Variants in BBOF1 observed in about 807,000 individuals in gnomAD.
BBOF1 encodes basal body orientation factor 1.
Under a neutral mutation model 68.0 loss-of-function variants are expected in BBOF1, and 62 were observed. The ratio of observed to expected loss-of-function variants is 0.91; its 90% CI spans 0.74 to 1.13. The LOEUF is 1.13. Among genes scored for constraint, BBOF1 ranks in the 50% most tolerant of loss-of-function variants. The pLI is 0.00. For synonymous variants in BBOF1, 208 were observed against 198.8 expected, an observed-to-expected ratio of 1.05 and a Z score of -0.39; for missense variants, 534 against 600.1, an observed-to-expected ratio of 0.89 and a Z score of 1.15.
chr14:74,035,584 A>ATTTTTTTTTTTTTTTT (rs71460945), intron 4 of BBOF1, among the ~76,000 whole-genome samples: 3 of 81,392 alleles, frequency 3.7e-5, no homozygotes, highest in African/African-American at 1.3e-4. Flanking sequence ...CCCCCAGCTA[A>ATTTTTTTTTTTTTTTT]TTTTTTTTTT....
intron 8 of BBOF1, 27 bp from the exon 9 acceptor site, chr14:74,055,557 A>G: frequency 6.6e-7 from 1 of 1,506,650 alleles, no homozygotes; most frequent in South Asian, 1.2e-5. Flanking sequence ...TTTCCTTTTC[A>G]CATTTTTTTC....
At chr14:74,072,182 C>G (rs1305429783) in intron 9 of BBOF1, 3 of 1,614,006 alleles carry the variant, frequency 1.9e-6, no homozygotes, top group Non-Finnish European at 2.5e-6. Context: ...TTTGGAAAAG[C>G]ATACCATTTA....
At chr14:74,063,881 A>G (rs1595111695) in intron 11 of BBOF1, among the ~76,000 whole-genome samples, 1 of 144,244 alleles carries the variant, frequency 6.9e-6, no homozygotes, top group South Asian at 2.3e-4. Flanking sequence ...AAAAAAAAAA[A>G]TTAATGGTAT....
At chr14:74,050,708 T>G (rs1389403642) in intron 8 of BBOF1, among the ~76,000 whole-genome samples, 1 of 152,184 alleles carries the variant, frequency 6.6e-6, no homozygotes, top group African/African-American at 2.4e-5. Context: ...TTAAACATTT[T>G]TGATACGCAT....
Position 74,040,548 on chromosome 14 carries a change from T to TGTTA in BBOF1, c.496-16_496-13dup, listed in dbSNP as rs1174521799. On this transcript the variant is annotated splice_polypyrimidine_tract_variant and intron_variant, in intron 4 of 11. Transcript: ENST00000394009. ...TTTCTATTGATCATTTTTGTTTGTT[T>TGTTA]GTTATTTTAATTTTAGCTGAAAGAG... The TGTTA allele has an allele frequency of 6.6e-7, 1 of 1,512,902 alleles. No individual in the cohort carries two copies. Among genetic ancestry groups the TGTTA allele is most frequent in the African/African-American group, 1.4e-5 (1 of 70,982 alleles). 93.7% of individuals were successfully genotyped at this position (1,512,902 alleles called of 1,614,324 possible). A position where few individuals can be genotyped will look rare whatever the true frequency, so the allele number is the denominator to read the frequency against.
Position 74,022,934 on chromosome 14 carries a change from T to C in BBOF1, c.75T>C (p.Asp25=), listed in dbSNP as rs777364435. 2 of 1,608,512 alleles carry C rather than the reference T, an allele frequency of 1.2e-6. No homozygotes were observed. Among genetic ancestry groups the C allele is most frequent in the East Asian group, 4.5e-5 (2 of 44,810 alleles). The change falls in exon 2 of 12, where the codon GAT becomes GAC. Residue 25 remains aspartate, a synonymous_variant. Coordinates refer to ENST00000394009, the MANE Select transcript of BBOF1 (RefSeq NM_025057.3). ...GKDTKKLIKT[D]ESVVDRAKAN... ...CATGCAGGAAGTTAATAAAAACAGA[T>C]GAATCTGTGGTGGACAGAGCCAAGG...
chr14:74,043,349 G>A (rs1188095358), intron 5 of BBOF1, among the ~76,000 whole-genome samples: 1 of 150,626 alleles, frequency 6.6e-6, no homozygotes, highest in Non-Finnish European at 1.5e-5. Context: ...AGGAGATCGA[G>A]ACCATCCTGG....
intron 5 of BBOF1, among the ~76,000 whole-genome samples, chr14:74,043,527 G>A (rs1038268410): frequency 3.8e-5 from 5 of 132,962 alleles, no homozygotes; most frequent in South Asian, 5.5e-4. Context: ...TCCGCAGTCC[G>A]GCCTGGGCAA....
chr14:74,034,659 T>G (rs2059654406), intron 4 of BBOF1, among the ~76,000 whole-genome samples: 1 of 152,210 alleles, frequency 6.6e-6, no homozygotes, highest in African/African-American at 2.4e-5. Context: ...GAATATAGTT[T>G]TATTACATTA....
chr14:74,077,190 G>A (rs948117441), intron 9 of BBOF1, among the ~76,000 whole-genome samples: 2 of 152,130 alleles, frequency 1.3e-5, no homozygotes, highest in Admixed American at 6.6e-5. Context: ...TATAGTACTC[G>A]GTAGGTAGTA....
At chr14:74,079,413 AT>A (rs1445459513) in intron 10 of BBOF1, among the ~76,000 whole-genome samples, 3 of 146,992 alleles carry the variant, frequency 2.0e-5, no homozygotes, top group African/African-American at 5.1e-5. Context: ...CACCCGGCTA[AT>A]TTTTTTTTCT....
chr14:74,042,320 G>A (rs55878372), intron 5 of BBOF1, among the ~76,000 whole-genome samples: 15,406 of 152,228 alleles, frequency 0.1, 854 homozygotes, highest in South Asian at 0.18. Context: ...AGGAATGGAA[G>A]CCCTCAGGAA....
At chr14:74,069,101 CTT>C (rs900873855), downstream of BBOF1, 10,877 of 442,606 alleles carry the variant, frequency 0.025, no homozygotes, top group Non-Finnish European at 0.028. Flanking sequence ...TTTACTTTTT[CTT>C]TTTTTTTTTT....
intron 9 of BBOF1, chr14:74,074,945 A>C: frequency 6.2e-7 from 1 of 1,613,800 alleles, no homozygotes; most frequent in South Asian, 1.1e-5. Flanking sequence ...TCTATGCCAA[A>C]TAAACTCACC....
intron 9 of BBOF1, among the ~76,000 whole-genome samples, chr14:74,076,768 T>G (rs1387456952): frequency 2.0e-5 from 3 of 152,130 alleles, no homozygotes; most frequent in African/African-American, 4.8e-5. Flanking sequence ...CTGGCTGGTC[T>G]CAAACTCCTG....
At chr14:74,060,428 A>G (rs930228472) in intron 11 of BBOF1, 1 of 564,198 alleles carries the variant, frequency 1.8e-6, no homozygotes, top group Non-Finnish European at 3.2e-6. Context: ...TTACCTCAAA[A>G]TAGAAGTATG....
chr14:74,057,513 C>T (rs949644196), intron 11 of BBOF1: 605 of 1,375,928 alleles, frequency 4.4e-4, no homozygotes, highest in Non-Finnish European at 5.6e-4. Context: ...AGTAAACAGC[C>T]TAGCCAAAAT....
chr14:74,063,858 T>C (rs1156246992), intron 11 of BBOF1, among the ~76,000 whole-genome samples: 1 of 119,716 alleles, frequency 8.4e-6, no homozygotes, highest in Non-Finnish European at 1.7e-5. Context: ...AGAGTGAGAC[T>C]CTGTCTCAAA....
rs1595074605 is a variant in BBOF1 at position 74,050,318 on chromosome 14, T to C, written c.1286+123T>C. The C allele has an allele frequency of 1.2e-5, 14 of 1,120,776 alleles. No homozygotes were observed. In the East Asian group the frequency reaches 3.3e-4, roughly 26 times the overall value. The allele number at this position is 1,120,776 out of a possible 1,614,324, so 69.4% of individuals were successfully genotyped here. A position where few individuals can be genotyped will look rare whatever the true frequency, so the allele number is the denominator to read the frequency against. On this transcript the variant is annotated intron_variant, in intron 8 of 11. Coordinates refer to ENST00000394009, the MANE Select transcript of BBOF1 (RefSeq NM_025057.3). The stretch of plus-strand genomic sequence containing the variant: ...TTGAATAGATTTCTCAGTAGGTTAC[T>C]TGAGGACAGGAACTGACTTATTCAT...
Sources: gnomAD v4.1 joint callset for allele counts (sites outside exome capture counted in the v4.1 genomes callset) on GRCh38, gnomAD v4.1.1 for gene constraint, MANE v1.5 for transcripts, NCBI Gene and HGNC (gene_info 2026-07-23, HGNC 2026-07-21) for gene names.